The following PUM3 variants were observed in gnomAD, a reference collection of about 807,000 sequenced individuals.
PUM3 encodes the protein pumilio RNA binding family member 3, also known as pumilio homolog 3.
Under a neutral mutation model 84.0 loss-of-function variants are expected in PUM3, and 91 were observed. The ratio of observed to expected loss-of-function variants is 1.08; its 90% CI spans 0.91 to 1.29. The LOEUF is 1.29. Ranked by LOEUF, PUM3 falls within the 50% of genes most tolerant of loss-of-function variation. The pLI is 0.00. For synonymous variants in PUM3, 321 were observed against 266.7 expected (o/e 1.20, Z -1.98); for missense variants, 1,067 against 767.5 (o/e 1.39, Z -4.61).
In PUM3 at chr9:2,838,475, T is replaced by G; in HGVS notation, c.33A>C (p.Gly11=). Residue 11 remains glycine (G), a synonymous_variant, in exon 2 of 18, where the codon GGA becomes GGC. Coordinates refer to ENST00000397885, the MANE Select transcript of PUM3 (RefSeq NM_014878.5). The part of the protein sequence containing the change: MEVKGKKQFT[G]KSTKTAQEKN... ...TTTCTTGTGCTGTCTTTGTACTCTT[T>G]CCTGTGAATTGCTTTTTCCCTTTAA... The G allele has an allele frequency of 6.2e-7, 1 of 1,613,718 alleles. No individual in the cohort carries two copies. The highest frequency in any genetic ancestry group is 8.5e-7 in the Non-Finnish European group (1 of 1,179,704).
rs577819571 is a variant in PUM3 at position 2,844,062 on chromosome 9, G to C, written c.-28C>G. 6.3e-6 allele frequency: 1 copy of C among 158,306 alleles called. No homozygotes were observed. Among genetic ancestry groups the C allele is most frequent in the East Asian group, 1.9e-4 (1 of 5,172 alleles). The allele number at this position is 158,306 out of a possible 1,614,324, so 9.8% of individuals were successfully genotyped here. On this transcript the variant is annotated 5_prime_UTR_variant, in exon 1 of 18. Coordinates refer to ENST00000397885, the MANE Select transcript of PUM3 (RefSeq NM_014878.5). Reference sequence around the variant, plus strand: ...ACACTCACCGCACACGTGGGACCGAGACAGCTCGCGCAGCGGATCCCGACC... The same window carrying C: ...ACACTCACCGCACACGTGGGACCGACACAGCTCGCGCAGCGGATCCCGACC...
intron 12 of PUM3, among the ~76,000 whole-genome samples, chr9:2,821,506 CTT>C (rs1422492876): frequency 4.8e-5 from 7 of 146,512 alleles, no homozygotes; most frequent in African/African-American, 1.8e-4. Flanking sequence ...GTACAAATGT[CTT>C]TAAATGTATG....
chr9:2,810,820 C>T (rs1478626898), intron 15 of PUM3, among the ~76,000 whole-genome samples: 1 of 152,216 alleles, frequency 6.6e-6, no homozygotes, highest in African/African-American at 2.4e-5. Flanking sequence ...AAACCCAATG[C>T]TGCATGCTGT....
chr9:2,820,196 C>T (rs1318331594), intron 12 of PUM3, 98 bp from the exon 13 acceptor site: 1 of 440,572 alleles, frequency 2.3e-6, no homozygotes, highest in Non-Finnish European at 3.8e-6. Context: ...GAGCGAGACT[C>T]CGCTCAAAAA....
chr9:2,834,392 C>G (rs965934444), intron 3 of PUM3, among the ~76,000 whole-genome samples: 51 of 151,930 alleles, frequency 3.4e-4, no homozygotes, highest in Admixed American at 2.9e-3. Flanking sequence ...TAACAGGATA[C>G]CTATTAAGAG....
intron 1 of PUM3, among the ~76,000 whole-genome samples, chr9:2,839,827 G>C (rs75080997): frequency 0.014 from 2,197 of 152,214 alleles, 36 homozygotes; most frequent in East Asian, 0.062. Flanking sequence ...TTCTCTGTAT[G>C]TTTGTTCTAA....
chr9:2,813,439 G>A (rs148579918), intron 13 of PUM3, among the ~76,000 whole-genome samples: 3,260 of 152,262 alleles, frequency 0.021, 52 homozygotes, highest in Non-Finnish European at 0.031. Flanking sequence ...GCTGGGCCTC[G>A]GAAAGAGTTC....
intron 12 of PUM3, among the ~76,000 whole-genome samples, chr9:2,822,119 G>C (rs748999966): frequency 2.0e-5 from 3 of 152,152 alleles, no homozygotes; most frequent in Non-Finnish European, 4.4e-5. Context: ...AGGTGGTACA[G>C]AATTGAATGT....
At chr9:2,807,959 AC>A (rs1483672628) in intron 16 of PUM3, 55 bp from the exon 17 acceptor site, 8 of 1,124,334 alleles carry the variant, frequency 7.1e-6, no homozygotes, top group Non-Finnish European at 1.1e-5. Context: ...TATACTCCCT[AC>A]CCCCTTCTCT....
chr9:2,809,671 T>A (rs1462183929), intron 16 of PUM3, among the ~76,000 whole-genome samples: 1 of 152,196 alleles, frequency 6.6e-6, no homozygotes, highest in Non-Finnish European at 1.5e-5. Context: ...ATCTCTCCAG[T>A]GGTTTAAATA....
intron 13 of PUM3, among the ~76,000 whole-genome samples, chr9:2,814,554 T>C (rs1243870227): frequency 1.3e-5 from 2 of 152,168 alleles, no homozygotes; most frequent in Admixed American, 6.5e-5. Context: ...GCCCCAAATA[T>C]GGCATACCTT....
intron 12 of PUM3, among the ~76,000 whole-genome samples, chr9:2,821,419 G>A (rs1353760207): frequency 8.7e-6 from 1 of 114,344 alleles, no homozygotes; most frequent in African/African-American, 3.4e-5. Context: ...ACTCCAGCCT[G>A]GGCGACAGAG....
At chr9:2,828,860 T>G (rs1398065014) in intron 8 of PUM3, 82 bp from the exon 9 acceptor site, 14 of 798,532 alleles carry the variant, frequency 1.8e-5, no homozygotes, top group African/African-American at 5.3e-5. Context: ...ATTAGTCATT[T>G]TAAAATAAGT....
At chr9:2,830,899 C>T (rs566306986) in intron 7 of PUM3, 63 bp downstream of exon 7, 7 of 827,080 alleles carry the variant, frequency 8.5e-6, no homozygotes, top group Non-Finnish European at 1.4e-5. Flanking sequence ...CATCTGAGCA[C>T]AGTTGGAAAC....
Position 2,837,234 on chromosome 9 carries a change from G to A in PUM3, c.250C>T (p.Pro84Ser), listed in dbSNP as rs1369235251. 3.1e-6 allele frequency: 5 copies of A among 1,614,050 alleles called. No individual in the cohort carries two copies. The highest frequency in any genetic ancestry group is 1.7e-5 in the Admixed American group (1 of 60,012). Residue 84 changes from proline (P) to serine (S), a missense_variant, in exon 3 of 18, where the codon CCG becomes TCG. Physicochemically the swap from Pro to Ser is moderately conservative, Grantham distance 74. Coordinates refer to ENST00000397885, the MANE Select transcript of PUM3 (RefSeq NM_014878.5). ...CTCTTCTTGTTGAATTTATTTGCCG[G>A]CTGGAATTTGTTCTTTGGTGATTTG... is the stretch of plus-strand genomic sequence containing the variant. ...GDKSPKNKFQ[P>S]ANKFNKKRKF...
rs747714790 is a variant in PUM3 at position 2,834,177 on chromosome 9, T to C, written c.305-11A>G. 25 of 1,604,600 alleles carry C rather than the reference T, an allele frequency of 1.6e-5. No homozygotes were observed. Among genetic ancestry groups the C allele is most frequent in the Middle Eastern group, 3.3e-4 (2 of 6,018 alleles). ...TCTTGGCTGCTGATTCTAGTTATTA[T>C]AGAAATTATTTTCAATTACATTTAA... On this transcript the variant is annotated splice_polypyrimidine_tract_variant and intron_variant, in intron 3 of 17. Coordinates refer to ENST00000397885, the MANE Select transcript of PUM3 (RefSeq NM_014878.5).
chr9:2,825,489 C>CT (rs60258892), intron 10 of PUM3, among the ~76,000 whole-genome samples: 1,916 of 148,444 alleles, frequency 0.013, 30 homozygotes, highest in African/African-American at 0.045. Flanking sequence ...TTTACATTTT[C>CT]TTTTTTTTTT....
chr9:2,816,972 G>T (rs1401517188), intron 13 of PUM3, among the ~76,000 whole-genome samples: 1 of 152,196 alleles, frequency 6.6e-6, no homozygotes, highest in Non-Finnish European at 1.5e-5. Flanking sequence ...ATTTTTAAAA[G>T]CACTGCGTAA....
chr9:2,836,492 T>C (rs1816124084), intron 3 of PUM3, among the ~76,000 whole-genome samples: 1 of 152,136 alleles, frequency 6.6e-6, no homozygotes, highest in Non-Finnish European at 1.5e-5. Context: ...TTGACAGAGA[T>C]GGGCAGTTTG....
Sources: allele counts gnomAD v4.1 joint callset (sites outside exome capture counted in the v4.1 genomes callset), GRCh38; gene constraint gnomAD v4.1.1; transcripts MANE v1.5; gene names NCBI Gene and HGNC (gene_info 2026-07-23, HGNC 2026-07-21).